LAMA5: variants seen among roughly 807,000 people sequenced by gnomAD.
LAMA5 encodes laminin subunit alpha-5.
LAMA5 carries 260 observed loss-of-function variants against 433.4 expected under a neutral mutation model. That is an observed-to-expected ratio of 0.60 (90% confidence interval 0.54 to 0.66). The LOEUF (loss-of-function observed/expected upper bound fraction) is 0.66. LAMA5 is among the 30% of genes least tolerant of loss of function. LAMA5 has a pLI of 0.00. For synonymous variants in LAMA5, 2,620 were observed against 2,226.6 expected (o/e 1.18, Z -4.97); for missense variants, 5,378 against 5,258.5 (o/e 1.02, Z -0.70).
rs145502915 is a variant in LAMA5 at position 62,320,655 on chromosome 20, G to A, written c.6663C>T (p.Ser2221=). The A allele has an allele frequency of 7.5e-6, 12 of 1,608,254 alleles. No homozygotes were observed. Among genetic ancestry groups the A allele is most frequent in the Non-Finnish European group, 9.3e-6 (11 of 1,178,368 alleles). Residue 2221 remains serine, a synonymous_variant, in exon 50 of 80, where the codon AGC becomes AGT. Coordinates refer to ENST00000252999, the MANE Select transcript of LAMA5 (RefSeq NM_005560.6). The part of the protein sequence containing the change: ...SIADLQSQLR[S]PLGPRHETAQ... ...CCGTCTCATGGCGGGGGCCCAGGGG[G>A]CTCCGGAGCTGGCTCTGTGGGAGGC... is the stretch of plus-strand genomic sequence containing the variant.
At chr20:62,334,729 A>AGTCAGGG (rs1601360584) in intron 20 of LAMA5, 108 bp from the exon 21 acceptor site, 10 of 408,274 alleles carry the variant, frequency 2.4e-5, no homozygotes, top group East Asian at 4.7e-5. Flanking sequence ...GATGATGGAG[A>AGTCAGGG]GTCAGGGCTC....
At chr20:62,364,211 A>C (rs912577070) in intron 1 of LAMA5, among the ~76,000 whole-genome samples, 4 of 152,176 alleles carry the variant, frequency 2.6e-5, no homozygotes, top group Non-Finnish European at 4.4e-5. Flanking sequence ...CCCAAACTCA[A>C]GAGCTCAATG....
chr20:62,352,257 G>A lies in LAMA5; in HGVS notation c.672C>T (p.Pro224=). 6.3e-7 allele frequency: 1 copy of A among 1,599,476 alleles called. No individual in the cohort carries two copies. The highest frequency in any genetic ancestry group is 8.5e-7 in the Non-Finnish European group (1 of 1,179,506). Residue 224 remains proline (P), a synonymous_variant, in exon 4 of 80, where the codon CCC becomes CCT. Coordinates refer to ENST00000252999, the MANE Select transcript of LAMA5 (RefSeq NM_005560.6). ...CCCGGCCCACCTCTCCGTTCTCCAGGGGCACGATGCGTGAGTACTCGGTGG... is the reference window on the plus strand; with the variant it reads ...CCCGGCCCACCTCTCCGTTCTCCAGAGGCACGATGCGTGAGTACTCGGTGG... ...ICTTEYSRIV[P]LENGEIVVSL...
chr20:62,327,561 G>A lies in LAMA5; in HGVS notation c.4906C>T (p.Arg1636Cys), dbSNP rs771601969. 115 of 1,612,766 alleles carry A rather than the reference G, an allele frequency of 7.1e-5. No homozygotes were observed. Among genetic ancestry groups the A allele is most frequent in the Non-Finnish European group, 9.0e-5 (106 of 1,180,022 alleles). The change falls in exon 37 of 80, where the codon CGC (arginine) becomes TGC (cysteine). Residue 1636 changes from arginine to cysteine, a missense_variant. Physicochemically the swap from Arg to Cys is radical, Grantham distance 180. Coordinates refer to ENST00000252999, the MANE Select transcript of LAMA5 (RefSeq NM_005560.6). ...CGGGTGTAGGACGAGCTCCGGCAGC[G>A]CTCCGTGGCCCCAAAGCAGAAGCAG... ...TRCFCFGATE[R>C]CRSSSYTRQE...
chr20:62,309,459 C>A lies in LAMA5; in HGVS notation c.10965G>T (p.Gln3655His). 1 of 1,582,848 alleles carries A rather than the reference C, an allele frequency of 6.3e-7. No homozygotes were observed. Residue 3655 changes from glutamine to histidine, a missense_variant, in exon 80 of 80, where the codon CAG becomes CAT. By Grantham distance (24) the Gln-to-His change is conservative. Coordinates refer to ENST00000252999, the MANE Select transcript of LAMA5 (RefSeq NM_005560.6). ...AGCCGCAGTAGGCGGGGGGCCAGGG[C>A]TGCACGGCCATGGGCTCTGGGGGCA... is the stretch of plus-strand genomic sequence containing the variant. Reference protein sequence around the residue: ...LGGLPEPMAVQPWPPAYCGCM... With the variant: ...LGGLPEPMAVHPWPPAYCGCM...
chr20:62,309,704 G>A lies in LAMA5; in HGVS notation c.10948+12C>T. The A allele has an allele frequency of 6.3e-7, 1 of 1,589,834 alleles. No homozygotes were observed. The highest frequency in any genetic ancestry group is 8.5e-7 in the Non-Finnish European group (1 of 1,173,080). On this transcript the variant is annotated intron_variant, in intron 79 of 79. Transcript: ENST00000252999. The stretch of plus-strand genomic sequence containing the variant: ...GGGCAGCTCCCCCACCCTTGATCAA[G>A]GCCGCACTCACCAGGCAGGCCCCCG...
intron 1 of LAMA5, 65 bp from the exon 2 acceptor site, chr20:62,362,617 C>G: frequency 4.5e-6 from 6 of 1,348,264 alleles, no homozygotes; most frequent in Non-Finnish European, 5.8e-6. Flanking sequence ...CCTCCACAGT[C>G]ACCCTGCTGC....
chr20:62,330,656 C>T (rs775991526), intron 30 of LAMA5, 42 bp from the exon 31 acceptor site: 1 of 1,568,574 alleles, frequency 6.4e-7, no homozygotes, highest in Non-Finnish European at 8.6e-7. Context: ...GCTATGAGCC[C>T]CTGCTGCCCC....
chr20:62,310,491 C>T lies in LAMA5; in HGVS notation c.10528G>A (p.Val3510Ile). Residue 3510 changes from valine to isoleucine, a missense_variant, in exon 76 of 80, where the codon GTC (valine) becomes ATC (isoleucine). By Grantham distance (29) the Val-to-Ile change is conservative. Transcript: ENST00000252999. ...AGGGGGCCCAAGATGCAGGGTGTGA[C>T]CCCTGCCATCCGTGTGGGGGCCCCC... ...PLGAPTRMAG[V>I]TPCILGPLEA... The T allele has an allele frequency of 1.3e-6, 2 of 1,571,050 alleles. No homozygotes were observed. The highest frequency in any genetic ancestry group is 1.7e-6 in the Non-Finnish European group (2 of 1,164,704).
chr20:62,315,911 C>T lies in LAMA5; in HGVS notation c.7867+37G>A, dbSNP rs540469568. 22 of 1,463,978 alleles carry T rather than the reference C, an allele frequency of 1.5e-5. 1 individual carries two copies. Among genetic ancestry groups the T allele is most frequent in the African/African-American group, 4.2e-5 (3 of 72,176 alleles). The allele number at this position is 1,463,978 out of a possible 1,614,324, so 90.7% of individuals were successfully genotyped here. The stretch of plus-strand genomic sequence containing the variant: ...CGCCACTGTCACAGAGCCTCATGGT[C>T]GGCCGGCTGCGAGAGCCGGGCCCAG... On this transcript the variant is annotated intron_variant, in intron 58 of 79. Coordinates refer to ENST00000252999, the MANE Select transcript of LAMA5 (RefSeq NM_005560.6).
chr20:62,343,122 T>C (rs559742996), intron 11 of LAMA5, among the ~76,000 whole-genome samples: 2 of 152,330 alleles, frequency 1.3e-5, no homozygotes, highest in South Asian at 4.1e-4. Flanking sequence ...ATACGCGTTC[T>C]ATGGCTGCTT....
Position 62,351,741 on chromosome 20 carries a change from C to G in LAMA5, c.919G>C (p.Asp307His). ...GTGGGGTCTTTGGCATCGCAGGCAT[C>G]CGCGTGGCCGTGGCAGACACAGCGG... ...GGRCVCHGHADACDAKDPTDP... is the reference protein window; with the variant it reads ...GGRCVCHGHAHACDAKDPTDP... The change falls in exon 6 of 80, where the codon GAT becomes CAT. Residue 307 changes from aspartate to histidine, a missense_variant. Coordinates refer to ENST00000252999, the MANE Select transcript of LAMA5 (RefSeq NM_005560.6). 1 of 1,612,044 alleles carries G rather than the reference C, an allele frequency of 6.2e-7. No individual in the cohort carries two copies. Among genetic ancestry groups the G allele is most frequent in the Non-Finnish European group, 8.5e-7 (1 of 1,179,864 alleles).
Position 62,335,079 on chromosome 20 carries a change from G to A in LAMA5, c.2424C>T (p.Cys808=), listed in dbSNP as rs202180524. 85 of 1,613,046 alleles carry A rather than the reference G, an allele frequency of 5.3e-5. No homozygotes were observed. In the East Asian group the frequency reaches 1.5e-3, roughly 29 times the overall value. Residue 808 remains cysteine, a synonymous_variant, in exon 20 of 80, where the codon TGC becomes TGT. Coordinates refer to ENST00000252999, the MANE Select transcript of LAMA5 (RefSeq NM_005560.6). ...FCKPHVCGQA[C]ASCKDGFFGL... is the part of the protein sequence containing the mutation. ...CAAAGAAGCCATCCTTGCAGGACGC[G>A]CAGGCCTGGCCGCACACGTGGGGCT...
Position 62,332,490 on chromosome 20 carries a change from G to T in LAMA5, c.3444-10C>A. 6.2e-7 allele frequency: 1 copy of T among 1,611,366 alleles called. No individual in the cohort carries two copies. The highest frequency in any genetic ancestry group is 8.5e-7 in the Non-Finnish European group (1 of 1,179,054). On this transcript the variant is annotated splice_polypyrimidine_tract_variant and intron_variant, in intron 27 of 79. Coordinates refer to ENST00000252999, the MANE Select transcript of LAMA5 (RefSeq NM_005560.6). The stretch of plus-strand genomic sequence containing the variant: ...GCCCCGGCACAGGGTGCTGTGGGGG[G>T]AGGGTGGTCAGCAGGTGGGGCAGCC...
Position 62,338,152 on chromosome 20 carries a change from T to C in LAMA5, c.1757-2A>G. On this transcript the variant is annotated splice_acceptor_variant, in intron 13 of 79. Coordinates refer to ENST00000252999, the MANE Select transcript of LAMA5 (RefSeq NM_005560.6). LOFTEE classifies it high-confidence loss of function. ...TTCCTGCAGGGCTGCAGCCACACAC[T>C]GCAGAGCGGAGCGGGTGTCACGGTA... is the stretch of plus-strand genomic sequence containing the variant. The C allele has an allele frequency of 1.3e-6, 2 of 1,578,418 alleles. No individual in the cohort carries two copies. The highest frequency in any genetic ancestry group is 1.7e-6 in the Non-Finnish European group (2 of 1,160,050).
Position 62,332,511 on chromosome 20 carries a change from C to T in LAMA5, c.3444-31G>A, listed in dbSNP as rs776833678. 3 of 1,609,600 alleles carry T rather than the reference C, an allele frequency of 1.9e-6. No individual in the cohort carries two copies. In the African/African-American group the frequency reaches 4.0e-5, roughly 21 times the overall value. The stretch of plus-strand genomic sequence containing the variant: ...GGGGGAGGGTGGTCAGCAGGTGGGG[C>T]AGCCCCGGGCGTGCCCTTACTCCAG... On this transcript the variant is annotated intron_variant, in intron 27 of 79. Transcript: ENST00000252999.
chr20:62,322,599 G>T (rs1032556646), intron 46 of LAMA5, 59 bp downstream of exon 46: 10 of 1,445,862 alleles, frequency 6.9e-6, no homozygotes, highest in Non-Finnish European at 7.5e-6. Context: ...ATTCTCCCCA[G>T]GCCCCAACTC....
rs746031447 is a variant in LAMA5, at chr20:62,362,397, T to C, written c.450+3A>G. The stretch of plus-strand genomic sequence containing the variant: ...GCTGCAGCACGCAAAGAAGGGTCCC[T>C]ACCTGGCCCAGGTCCAGGGTGACGT... On this transcript the variant is annotated splice_donor_region_variant and intron_variant, in intron 2 of 79. Transcript: ENST00000252999. 14 of 1,526,010 alleles carry C rather than the reference T, an allele frequency of 9.2e-6. No individual in the cohort carries two copies. The highest frequency in any genetic ancestry group is 1.2e-5 in the Non-Finnish European group (13 of 1,129,224). The allele number at this position is 1,526,010 out of a possible 1,614,324, so 94.5% of individuals were successfully genotyped here.
Position 62,367,069 on chromosome 20 carries a change from G to C in LAMA5, c.177C>G (p.Ala59=). The change falls in exon 1 of 80, where the codon GCC becomes GCG. Residue 59 remains alanine (A), a synonymous_variant. Coordinates refer to ENST00000252999, the MANE Select transcript of LAMA5 (RefSeq NM_005560.6). The stretch of plus-strand genomic sequence containing the variant: ...CCTCCTCTCCGCAGGTCGCGGAGGC[G>C]GCGATGCGGGCGCCCTCGGCCAGGT... ...YFNLAEGARI[A]ASATCGEEAP... 1 of 1,261,826 alleles carries C rather than the reference G, an allele frequency of 7.9e-7. No individual in the cohort carries two copies. Among genetic ancestry groups the C allele is most frequent in the East Asian group, 3.1e-5 (1 of 32,026 alleles). The allele number at this position is 1,261,826 out of a possible 1,614,324, so 78.2% of individuals were successfully genotyped here. A position where few individuals can be genotyped will look rare whatever the true frequency, so the allele number is the denominator to read the frequency against.
Sources: allele counts gnomAD v4.1 joint callset (sites outside exome capture counted in the v4.1 genomes callset), GRCh38; gene constraint gnomAD v4.1.1; transcripts MANE v1.5; gene names NCBI Gene and HGNC (gene_info 2026-07-23, HGNC 2026-07-21).